Variants in KCNQ3 observed in about 807,000 individuals in gnomAD.
The protein encoded by KCNQ3 is potassium voltage-gated channel subfamily Q member 3, also known as potassium voltage-gated channel subfamily KQT member 3.
KCNQ3 carries 30 observed loss-of-function variants against 92.5 expected under a neutral mutation model. The observed-to-expected ratio is 0.32, with a 90% CI of 0.24 to 0.44. The LOEUF is 0.44. KCNQ3 is among the 20% of genes least tolerant of loss of function. The probability of loss-of-function intolerance (pLI) is 1.00; values close to 1 mark genes in which losing one functional copy is unlikely to be tolerated. For missense variants in KCNQ3, 913 were observed against 1,140.3 expected (o/e 0.80, Z 2.87); for synonymous variants, 450 against 468.8 (o/e 0.96, Z 0.52).
At chr8:132,473,084 C>T (rs1228358545) in intron 1 of KCNQ3, among the ~76,000 whole-genome samples, 1 of 152,058 alleles carries the variant, frequency 6.6e-6, no homozygotes, top group Non-Finnish European at 1.5e-5. Flanking sequence ...TAAAGAATGA[C>T]AACTTATCAA....
At chr8:132,342,049 G>T (rs1818544912) in intron 1 of KCNQ3, among the ~76,000 whole-genome samples, 1 of 152,126 alleles carries the variant, frequency 6.6e-6, no homozygotes, top group Non-Finnish European at 1.5e-5. Context: ...TAGTTCCACT[G>T]GGTATTGATC....
chr8:132,326,875 A>G (rs1818068469), intron 1 of KCNQ3, among the ~76,000 whole-genome samples: 2 of 152,178 alleles, frequency 1.3e-5, no homozygotes, highest in Non-Finnish European at 2.9e-5. Flanking sequence ...TCATTCATTT[A>G]CTCATTTGCC....
chr8:132,193,664 A>G (rs377625772), intron 1 of KCNQ3, among the ~76,000 whole-genome samples: 73 of 152,314 alleles, frequency 4.8e-4, no homozygotes, highest in African/African-American at 1.7e-3. Flanking sequence ...CGGTGAAAAC[A>G]TTGATGCAGG....
rs770056144 is a variant in KCNQ3, at chr8:132,122,292, C to T, written c.*6970G>A. ...TTAGAGAGAGCTATCATGTCACAAG[C>T]AACTCATAAGGAGTGCTTAGGATAA... On this transcript the variant is annotated 3_prime_UTR_variant, in exon 15 of 15. Transcript: ENST00000388996. 2 of 152,206 alleles carry T rather than the reference C, an allele frequency of 1.3e-5. No individual in the cohort carries two copies. Among genetic ancestry groups the T allele is most frequent in the Admixed American group, 6.5e-5 (1 of 15,282 alleles). 9.4% of individuals were successfully genotyped at this position (152,206 alleles called of 1,614,324 possible). A position where few individuals can be genotyped will look rare whatever the true frequency, so the allele number is the denominator to read the frequency against.
intron 1 of KCNQ3, among the ~76,000 whole-genome samples, chr8:132,271,804 C>T (rs1226165579): frequency 6.6e-6 from 1 of 152,186 alleles, no homozygotes; most frequent in African/African-American, 2.4e-5. Flanking sequence ...ATTCACTGCA[C>T]CGTAGTGAGT....
intron 1 of KCNQ3, among the ~76,000 whole-genome samples, chr8:132,336,725 A>T (rs1214737888): frequency 6.6e-6 from 1 of 152,188 alleles, no homozygotes; most frequent in Non-Finnish European, 1.5e-5. Context: ...ATTATTCTGT[A>T]TGTTGGGCAC....
chr8:132,435,365 G>A (rs1220438698), intron 1 of KCNQ3, among the ~76,000 whole-genome samples: 2 of 152,178 alleles, frequency 1.3e-5, no homozygotes, highest in Non-Finnish European at 2.9e-5. Context: ...CACCGTGCCA[G>A]CCGACCAGTT....
chr8:132,403,351 G>T (rs953735899), intron 1 of KCNQ3, among the ~76,000 whole-genome samples: 1 of 152,144 alleles, frequency 6.6e-6, no homozygotes, highest in Non-Finnish European at 1.5e-5. Flanking sequence ...CCTGTGGATG[G>T]AGACACTCCC....
intron 1 of KCNQ3, among the ~76,000 whole-genome samples, chr8:132,244,566 G>A (rs1446084623): frequency 6.6e-6 from 1 of 152,204 alleles, no homozygotes; most frequent in Non-Finnish European, 1.5e-5. Context: ...TTCATCCTGT[G>A]TGATTCAGTG....
intron 1 of KCNQ3, among the ~76,000 whole-genome samples, chr8:132,460,837 C>T (rs1273162453): frequency 1.3e-5 from 2 of 152,166 alleles, no homozygotes; most frequent in Admixed American, 6.5e-5. Flanking sequence ...CGGAATCACA[C>T]AGAATAATTT....
chr8:132,411,784 T>C (rs1820658375), intron 1 of KCNQ3, among the ~76,000 whole-genome samples: 1 of 152,168 alleles, frequency 6.6e-6, no homozygotes, highest in South Asian at 2.1e-4. Flanking sequence ...TGAGGGACTT[T>C]TCATTCTCTA....
chr8:132,401,560 G>C (rs1820332995), intron 1 of KCNQ3, among the ~76,000 whole-genome samples: 1 of 152,122 alleles, frequency 6.6e-6, no homozygotes, highest in Non-Finnish European at 1.5e-5. Context: ...ATTTTTAGTA[G>C]AGATGGGTTT....
chr8:132,202,231 A>C (rs1000656651), intron 1 of KCNQ3, among the ~76,000 whole-genome samples: 1 of 152,032 alleles, frequency 6.6e-6, no homozygotes, highest in Non-Finnish European at 1.5e-5. Flanking sequence ...CTCTCTGGAA[A>C]TCTTGCTCTC....
At chr8:132,273,950 C>T (rs1250809893) in intron 1 of KCNQ3, among the ~76,000 whole-genome samples, 1 of 152,210 alleles carries the variant, frequency 6.6e-6, no homozygotes, top group Non-Finnish European at 1.5e-5. Context: ...TTGGTCAAAG[C>T]CATTCAACAA....
chr8:132,230,429 C>T (rs1814598441), intron 1 of KCNQ3, among the ~76,000 whole-genome samples: 1 of 141,390 alleles, frequency 7.1e-6, no homozygotes, highest in Admixed American at 7.1e-5. Context: ...GCTGCCACCA[C>T]AGGCAGAGAG....
At chr8:132,333,846 G>A (rs1249110501) in intron 1 of KCNQ3, among the ~76,000 whole-genome samples, 1 of 151,544 alleles carries the variant, frequency 6.6e-6, no homozygotes, top group Non-Finnish European at 1.5e-5. Context: ...TGATTCCCCT[G>A]CCTCAGGCTT....
At chr8:132,318,934 G>A (rs966304174) in intron 1 of KCNQ3, among the ~76,000 whole-genome samples, 1 of 152,208 alleles carries the variant, frequency 6.6e-6, no homozygotes, top group Non-Finnish European at 1.5e-5. Flanking sequence ...AGTGCAGGAA[G>A]CTGCCCAAGG....
chr8:132,378,661 C>A (rs117041271), intron 1 of KCNQ3, among the ~76,000 whole-genome samples: 4,224 of 152,290 alleles, frequency 0.028, 77 homozygotes, highest in Non-Finnish European at 0.045. Flanking sequence ...GGACCATGTG[C>A]TTTAAATGAG....
At position 132,122,019 on chromosome 8, in the gene KCNQ3, G is replaced by C. The variant is rs886062661; in HGVS notation, c.*7243C>G. ...TACTCTCCAGGGAACTCATGGGTCTGTGATCATTTTACTGTAAAGCTGAGT... is the reference window on the plus strand; with the variant it reads ...TACTCTCCAGGGAACTCATGGGTCTCTGATCATTTTACTGTAAAGCTGAGT... On this transcript the variant is annotated 3_prime_UTR_variant, in exon 15 of 15. Coordinates refer to ENST00000388996, the MANE Select transcript of KCNQ3 (RefSeq NM_004519.4). 1 of 152,236 alleles carries C rather than the reference G, an allele frequency of 6.6e-6. No individual in the cohort carries two copies. The highest frequency in any genetic ancestry group is 1.5e-5 in the Non-Finnish European group (1 of 68,042). 9.4% of individuals were successfully genotyped at this position (152,236 alleles called of 1,614,324 possible). A position where few individuals can be genotyped will look rare whatever the true frequency, so the allele number is the denominator to read the frequency against.
Sources: gnomAD v4.1 joint callset for allele counts (sites outside exome capture counted in the v4.1 genomes callset) on GRCh38, gnomAD v4.1.1 for gene constraint, MANE v1.5 for transcripts, NCBI Gene and HGNC (gene_info 2026-07-23, HGNC 2026-07-21) for gene names.